Variants in PDE4D observed in about 807,000 individuals in gnomAD.
PDE4D encodes the protein 3',5'-cyclic-AMP phosphodiesterase 4D.
In PDE4D, 24 loss-of-function variants were observed where a neutral mutation model predicts 87.4. The ratio of observed to expected loss-of-function variants is 0.27; its 90% CI spans 0.20 to 0.39. PDE4D has a LOEUF of 0.39. PDE4D is among the 10% of genes least tolerant of loss of function. The pLI, the probability that PDE4D is intolerant of heterozygous loss-of-function variation, is 1.00. For missense variants in PDE4D, 714 were observed against 1,041.0 expected, an observed-to-expected ratio of 0.69 and a Z score of 4.32; for synonymous variants, 384 against 383.2, an observed-to-expected ratio of 1.00 and a Z score of -0.02.
At chr5:59,696,298 CTTCA>C (rs1400355442) in intron 1 of PDE4D, among the ~76,000 whole-genome samples, 1 of 152,168 alleles carries the variant, frequency 6.6e-6, no homozygotes, top group Non-Finnish European at 1.5e-5. Flanking sequence ...CCAATCCCTA[CTTCA>C]TTCATAATTT....
intron 5 of PDE4D, among the ~76,000 whole-genome samples, chr5:59,100,245 C>T (rs1051079570): frequency 1.3e-5 from 2 of 152,188 alleles, no homozygotes; most frequent in Non-Finnish European, 2.9e-5. Flanking sequence ...TTAATAAGGT[C>T]GCCCTAACTT....
chr5:58,976,245 T>C (rs548860856), intron 13 of PDE4D, 105 bp downstream of exon 13: 5 of 1,227,948 alleles, frequency 4.1e-6, no homozygotes, highest in Non-Finnish European at 5.5e-6. Context: ...GCTGAAAGTA[T>C]AAGGTGGGAG....
chr5:60,300,119 G>A (rs539030416), intron 1 of PDE4D, among the ~76,000 whole-genome samples: 2 of 152,132 alleles, frequency 1.3e-5, no homozygotes, highest in South Asian at 2.1e-4. Context: ...GTATCTCATT[G>A]TGGTTTTGAT....
At position 60,040,945 on chromosome 5, in the gene PDE4D, A is replaced by G. The variant is rs1768410465; in HGVS notation, c.43-52228T>C. 2.0e-5 allele frequency among the ~76,000 whole-genome samples: 3 copies of G among 152,192 alleles called. No individual in the cohort carries two copies. In the South Asian group the frequency reaches 6.2e-4, roughly 32 times the overall value. ...TGTTGAAAACAAAACTCTCCTCACTATAAGTTGAATGCTTTAGCTGATTAA... is the reference window on the plus strand; with the variant it reads ...TGTTGAAAACAAAACTCTCCTCACTGTAAGTTGAATGCTTTAGCTGATTAA... On this transcript the variant is annotated intron_variant, in intron 2 of 16. Transcript: ENST00000502484.
chr5:59,999,653 G>T (rs948728878), intron 2 of PDE4D, among the ~76,000 whole-genome samples: 1 of 151,190 alleles, frequency 6.6e-6, no homozygotes, highest in Non-Finnish European at 1.5e-5. Context: ...TTTTTCAAAT[G>T]CACAAATCAC....
chr5:59,473,926 T>C (rs946638694), intron 1 of PDE4D, among the ~76,000 whole-genome samples: 26 of 152,162 alleles, frequency 1.7e-4, no homozygotes, highest in African/African-American at 6.3e-4. Flanking sequence ...GCAGCAACAT[T>C]GCAACTGTGC....
At chr5:59,496,788 C>G (rs1446280568) in intron 1 of PDE4D, among the ~76,000 whole-genome samples, 1 of 152,112 alleles carries the variant, frequency 6.6e-6, no homozygotes, top group South Asian at 2.1e-4. Context: ...TGTACTGTTG[C>G]GGACTCGAAG....
intron 1 of PDE4D, among the ~76,000 whole-genome samples, chr5:59,447,497 G>A (rs1051156704): frequency 3.3e-5 from 5 of 152,178 alleles, no homozygotes; most frequent in South Asian, 2.1e-4. Context: ...CCACCACTGA[G>A]GGAAGGAGAG....
chr5:60,271,439 G>A (rs1750797989), intron 1 of PDE4D, among the ~76,000 whole-genome samples: 1 of 152,096 alleles, frequency 6.6e-6, no homozygotes, highest in Admixed American at 6.5e-5. Context: ...GAAATTAAAG[G>A]AACAAAGAAG....
chr5:59,240,032 T>C (rs1757328331), intron 1 of PDE4D, among the ~76,000 whole-genome samples: 1 of 152,180 alleles, frequency 6.6e-6, no homozygotes, highest in African/African-American at 2.4e-5. Context: ...TGGTCTTAAT[T>C]TTACTCATTG....
At chr5:60,273,718 A>G (rs1010240377) in intron 1 of PDE4D, among the ~76,000 whole-genome samples, 2 of 152,204 alleles carry the variant, frequency 1.3e-5, no homozygotes, top group South Asian at 2.1e-4. Context: ...GGGGTGGAAA[A>G]GAGGGAAGGA....
At chr5:59,867,932 G>A (rs970109994) in intron 1 of PDE4D, among the ~76,000 whole-genome samples, 2 of 152,172 alleles carry the variant, frequency 1.3e-5, no homozygotes, top group Non-Finnish European at 2.9e-5. Context: ...TTGGATAATT[G>A]AGAACTAAAG....
chr5:59,681,914 AAAAAAAT>A (rs1340582351), intron 1 of PDE4D, among the ~76,000 whole-genome samples: 1 of 151,168 alleles, frequency 6.6e-6, no homozygotes, highest in Non-Finnish European at 1.5e-5. Flanking sequence ...AAAAAAAAAA[AAAAAAAT>A]GAGTTTGGCC....
At chr5:60,158,858 C>G (rs554368108) in intron 2 of PDE4D, among the ~76,000 whole-genome samples, 58 of 152,294 alleles carry the variant, frequency 3.8e-4, no homozygotes, top group African/African-American at 1.3e-3. Context: ...CGTGAGCCAC[C>G]GCGCCAGGCC....
chr5:59,382,698 G>T (rs1233646070), intron 1 of PDE4D, among the ~76,000 whole-genome samples: 1 of 152,048 alleles, frequency 6.6e-6, no homozygotes, highest in Non-Finnish European at 1.5e-5. Flanking sequence ...CAGGAAATCT[G>T]CATTACAAGA....
rs764115678 is a variant in PDE4D at position 58,975,479 on chromosome 5, G to T, written c.2013+178C>A. Among the ~76,000 whole-genome samples the T allele has an allele frequency of 9.2e-5, 14 of 152,246 alleles. No individual in the cohort carries two copies. The highest frequency in any genetic ancestry group is 2.9e-5 in the Non-Finnish European group (2 of 68,002). ...CTTTAGAATATATATATGACTATAT[G>T]AATGTAAGTCATAAGAATGAAAGTT... On this transcript the variant is annotated intron_variant, in intron 14 of 14. Transcript: ENST00000340635. The surrounding 1 kb of genome is among the most constrained non-coding windows in gnomAD (Gnocchi z 4.2).
intron 1 of PDE4D, among the ~76,000 whole-genome samples, chr5:59,841,931 G>C (rs1414539584): frequency 6.6e-6 from 1 of 152,058 alleles, no homozygotes; most frequent in East Asian, 1.9e-4. Flanking sequence ...GATGAAGTGG[G>C]AGGTGTCAAA....
At chr5:59,416,637 T>G (rs1793660079) in intron 1 of PDE4D, among the ~76,000 whole-genome samples, 1 of 152,192 alleles carries the variant, frequency 6.6e-6, no homozygotes, top group Admixed American at 6.5e-5. Context: ...CTACCAATTT[T>G]CAGGCATTCA....
intron 1 of PDE4D, among the ~76,000 whole-genome samples, chr5:59,332,441 G>T (rs1776903355): frequency 6.6e-6 from 1 of 152,132 alleles, no homozygotes; most frequent in Middle Eastern, 3.4e-3. Context: ...TGGCTTCAAG[G>T]CACTCTTAGA....
Sources: gnomAD v4.1 joint callset for allele counts (sites outside exome capture counted in the v4.1 genomes callset) on GRCh38, gnomAD v4.1.1 for gene constraint, Gnocchi (gnomAD v3.1) non-coding constraint, MANE v1.5 for transcripts, NCBI Gene and HGNC (gene_info 2026-07-23, HGNC 2026-07-21) for gene names.